ARHGEF18: variants seen among roughly 807,000 people sequenced by gnomAD.
The protein encoded by ARHGEF18 is rho guanine nucleotide exchange factor 18.
A neutral mutation model predicts 155.7 loss-of-function variants in ARHGEF18; 93 were observed. The observed-to-expected ratio is 0.60, with a 90% CI of 0.50 to 0.71. The LOEUF (loss-of-function observed/expected upper bound fraction) is 0.71, where lower values mean the gene tolerates loss of function less well. Ranked by LOEUF, ARHGEF18 falls within the 30% of genes least tolerant of loss-of-function variation. The pLI is 0.00. For missense variants in ARHGEF18, 1,593 were observed against 1,816.1 expected (o/e 0.88, Z 2.23); for synonymous variants, 742 against 753.1 (o/e 0.99, Z 0.24).
At chr19:7,350,761 GGGGT>G (rs1246543653) in intron 1 of ARHGEF18, among the ~76,000 whole-genome samples, 14,654 of 63,348 alleles carry the variant, frequency 0.23, 959 homozygotes, top group South Asian at 0.32. Context: ...TGAGTTTTTT[GGGGT>G]GGGTGTGTGT....
At chr19:7,385,484 T>C (rs1163967082) in intron 10 of ARHGEF18, among the ~76,000 whole-genome samples, 1 of 146,792 alleles carries the variant, frequency 6.8e-6, no homozygotes, top group Non-Finnish European at 1.5e-5. Flanking sequence ...ATTATTATTA[T>C]TATTATTTTG....
At chr19:7,385,216 G>C (rs984942485) in intron 10 of ARHGEF18, among the ~76,000 whole-genome samples, 2 of 152,150 alleles carry the variant, frequency 1.3e-5, no homozygotes, top group African/African-American at 4.8e-5. Context: ...CAGGCGCTGG[G>C]AGCCTGCCCT....
At chr19:7,451,488 A>C (rs903025973) in intron 16 of ARHGEF18, among the ~76,000 whole-genome samples, 1 of 146,220 alleles carries the variant, frequency 6.8e-6, no homozygotes, top group Non-Finnish European at 1.5e-5. Flanking sequence ...AGCTCATTGC[A>C]CAGCCTCCAA....
rs1277984570 is a variant in ARHGEF18, at chr19:7,372,896, C to T, written c.100C>T (p.Gln34Ter). 8.1e-7 allele frequency: 1 copy of T among 1,234,538 alleles called. No homozygotes were observed. The highest frequency in any genetic ancestry group is 1.0e-6 in the Non-Finnish European group (1 of 988,282). The allele number at this position is 1,234,538 out of a possible 1,614,324, so 76.5% of individuals were successfully genotyped here. A position where few individuals can be genotyped will look rare whatever the true frequency, so the allele number is the denominator to read the frequency against. Residue 34 changes from glutamine to a stop codon, truncating the protein, a stop_gained, in exon 3 of 29, where the codon CAG (glutamine) becomes TAG (stop). Transcript: ENST00000668164. LOFTEE classifies it high-confidence loss of function. ...GGCCCTTCAGGGCAGCGAGTATCTG[C>T]AGGACCTGGGCCTTGGGGCCCCTTC... ...LGALQGSEYL[Q>*]DLGLGAPSHS...
At chr19:7,422,304 T>C (rs958233772) in intron 10 of ARHGEF18, among the ~76,000 whole-genome samples, 1 of 151,702 alleles carries the variant, frequency 6.6e-6, no homozygotes, top group African/African-American at 2.4e-5. Flanking sequence ...TTAATCTTCA[T>C]CTCTGGCCAC....
At chr19:7,439,664 G>C in intron 10 of ARHGEF18, 1 of 1,178,234 alleles carries the variant, frequency 8.5e-7, no homozygotes, top group Non-Finnish European at 1.1e-6. Context: ...AATTCTGTTC[G>C]AGTGCTGATG....
At chr19:7,469,787 C>T (rs1976900888) in intron 27 of ARHGEF18, 117 bp from the exon 28 acceptor site, 2 of 1,277,826 alleles carry the variant, frequency 1.6e-6, no homozygotes, top group Admixed American at 2.2e-5. Flanking sequence ...GGGATCCAGG[C>T]CGCCCGTGGG....
At chr19:7,381,072 C>T (rs1351732717) in intron 8 of ARHGEF18, 78 bp downstream of exon 8, 1 of 1,106,628 alleles carries the variant, frequency 9.0e-7, no homozygotes, top group Admixed American at 4.3e-5. Flanking sequence ...TTGGGCCAGA[C>T]CCCCCATGCT....
At position 7,440,459 on chromosome 19, in the gene ARHGEF18, G is replaced by A. The variant is rs200633564; in HGVS notation, c.1083G>A (p.Pro361=). The A allele has an allele frequency of 1.4e-5, 22 of 1,599,504 alleles. No individual in the cohort carries two copies. In the East Asian group the frequency reaches 4.0e-4, roughly 29 times the overall value. Residue 361 remains proline, a synonymous_variant, in exon 11 of 29, where the codon CCG becomes CCA. Coordinates refer to ENST00000668164, the MANE Select transcript of ARHGEF18 (RefSeq NM_001367823.1). This position sits in a 1 kb window ranked among gnomAD's most constrained non-coding sequence, Gnocchi z 5.4. ...QKGGPQPTPS[P]AGPGTQLGPI... is the part of the protein sequence containing the mutation. ...GGGGTCCCCAGCCAACACCGAGCCCGGCTGGCCCTGGGACGCAACTCGGGT... is the reference window on the plus strand; with the variant it reads ...GGGGTCCCCAGCCAACACCGAGCCCAGCTGGCCCTGGGACGCAACTCGGGT...
intron 10 of ARHGEF18, among the ~76,000 whole-genome samples, chr19:7,410,195 G>GT (rs1167120123): frequency 1.3e-5 from 2 of 152,030 alleles, no homozygotes; most frequent in South Asian, 2.1e-4. Context: ...GGCAAACAGG[G>GT]TTTTTTCTGG....
chr19:7,479,475 CTG>C, the ARHGEF18 span, among the ~76,000 whole-genome samples: 1 of 152,184 alleles, frequency 6.6e-6, no homozygotes, highest in African/African-American at 2.4e-5. Context: ...CAGAGGAAGA[CTG>C]TGTCTCAAGA....
chr19:7,463,698 A>G lies in ARHGEF18; in HGVS notation c.2636-120A>G. On this transcript the variant is annotated intron_variant, in intron 21 of 28. Transcript: ENST00000668164. The surrounding 1 kb of genome is among the most constrained non-coding windows in gnomAD (Gnocchi z 5.2). ...AATCCCACGGCACACAGAAGGGGGC[A>G]GGCGATCACCACCCCAGTGAGTCCC... The G allele has an allele frequency of 1.6e-6, 2 of 1,227,472 alleles. No homozygotes were observed. Among genetic ancestry groups the G allele is most frequent in the Non-Finnish European group, 2.2e-6 (2 of 895,450 alleles). 76.0% of individuals were successfully genotyped at this position (1,227,472 alleles called of 1,614,324 possible).
chr19:7,430,678 G>A (rs761355572), intron 10 of ARHGEF18, among the ~76,000 whole-genome samples: 2 of 151,974 alleles, frequency 1.3e-5, no homozygotes, highest in African/African-American at 2.4e-5. Flanking sequence ...GGTGGTATGC[G>A]CCTATAGTCC....
chr19:7,432,731 C>T (rs1974034383), intron 10 of ARHGEF18, among the ~76,000 whole-genome samples: 1 of 152,198 alleles, frequency 6.6e-6, no homozygotes, highest in South Asian at 2.1e-4. Context: ...GGTCCCTTTA[C>T]AAGTGAGAGG....
At chr19:7,477,402 C>T (rs1352319343), downstream of ARHGEF18, 4 of 1,500,790 alleles carry the variant, frequency 2.7e-6, no homozygotes, top group Non-Finnish European at 3.5e-6. Flanking sequence ...TGCATCTGCG[C>T]CTCCATGGCC....
chr19:7,454,688 C>T (rs113821744), intron 17 of ARHGEF18, among the ~76,000 whole-genome samples: 4,347 of 152,232 alleles, frequency 0.029, 197 homozygotes, highest in African/African-American at 0.095. Flanking sequence ...GTTGTATCAC[C>T]GTCCTCCTCC....
intron 5 of ARHGEF18, among the ~76,000 whole-genome samples, chr19:7,377,959 G>A (rs1970539063): frequency 6.6e-6 from 1 of 151,988 alleles, no homozygotes; most frequent in Non-Finnish European, 1.5e-5. Context: ...CGGGCATGGT[G>A]GTGTGCGCCT....
At chr19:7,370,132 G>A (rs1009735545) in intron 2 of ARHGEF18, among the ~76,000 whole-genome samples, 1 of 151,778 alleles carries the variant, frequency 6.6e-6, no homozygotes, top group Non-Finnish European at 1.5e-5. Context: ...AGGAGGCAGA[G>A]GTTGCAGTGA....
At chr19:7,419,222 TCGGCC>T in intron 10 of ARHGEF18, among the ~76,000 whole-genome samples, 1 of 144,302 alleles carries the variant, frequency 6.9e-6, no homozygotes, top group African/African-American at 2.7e-5. Context: ...GTACCCACAC[TCGGCC>T]TCTGTACCCC....
Sources: gnomAD v4.1 joint callset for allele counts (sites outside exome capture counted in the v4.1 genomes callset) on GRCh38, gnomAD v4.1.1 for gene constraint, Gnocchi (gnomAD v3.1) non-coding constraint, MANE v1.5 for transcripts, NCBI Gene and HGNC (gene_info 2026-07-23, HGNC 2026-07-21) for gene names.